The following DOCK9 variants were observed in gnomAD, a reference collection of about 807,000 sequenced individuals.
DOCK9 encodes dedicator of cytokinesis protein 9.
A neutral mutation model predicts 263.3 loss-of-function variants in DOCK9; 89 were observed. The observed-to-expected ratio is 0.34, with a 90% CI of 0.28 to 0.40. DOCK9 has a LOEUF of 0.40. Among genes scored for constraint, DOCK9 ranks in the 10% least tolerant of loss-of-function variants. The pLI is 1.00. For missense variants in DOCK9, 2,140 were observed against 2,603.4 expected (o/e 0.82, Z 3.87); for synonymous variants, 976 against 973.1 (o/e 1.00, Z -0.06).
intron 18 of DOCK9, among the ~76,000 whole-genome samples, chr13:98,887,143 A>ATTTTTTTTTTTTTTTTTTTTTTTT (rs58434344): frequency 1.0e-5 from 1 of 95,292 alleles, no homozygotes; most frequent in Non-Finnish European, 2.0e-5. Context: ...ATATATATAT[A>ATTTTTTTTTTTTTTTTTTTTTTTT]TTTTTTTTTT....
intron 1 of DOCK9, among the ~76,000 whole-genome samples, chr13:99,010,286 T>A (rs939677857): frequency 6.6e-6 from 1 of 152,228 alleles, no homozygotes; most frequent in Admixed American, 6.5e-5. Context: ...ACGTGGAATA[T>A]GATATTGGTA....
chr13:98,963,846 G>A (rs1314325329), intron 1 of DOCK9, among the ~76,000 whole-genome samples: 1 of 152,216 alleles, frequency 6.6e-6, no homozygotes, highest in Non-Finnish European at 1.5e-5. Context: ...CTGAAGCCAC[G>A]TGCTCACAAG....
intron 15 of DOCK9, among the ~76,000 whole-genome samples, chr13:98,894,881 G>C (rs1310451295): frequency 6.7e-6 from 1 of 149,174 alleles, no homozygotes; most frequent in Admixed American, 6.8e-5. Flanking sequence ...AGCTGAGGCG[G>C]GCAGATTGCC....
chr13:98,826,329 T>G (rs2092534521), intron 44 of DOCK9, among the ~76,000 whole-genome samples: 1 of 152,230 alleles, frequency 6.6e-6, no homozygotes, highest in Non-Finnish European at 1.5e-5. Context: ...CCTGCTCATC[T>G]GGGCACAAAC....
intron 45 of DOCK9, among the ~76,000 whole-genome samples, chr13:98,816,401 C>T (rs1160134133): frequency 1.3e-5 from 2 of 152,226 alleles, no homozygotes; most frequent in East Asian, 3.9e-4. Context: ...AGATGCAAGT[C>T]GCAGGGGCAG....
chr13:99,016,469 C>T (rs994133659), intron 1 of DOCK9, among the ~76,000 whole-genome samples: 2 of 152,172 alleles, frequency 1.3e-5, no homozygotes, highest in African/African-American at 2.4e-5. Flanking sequence ...AAGGGCTACC[C>T]AGTCTGGCTA....
intron 1 of DOCK9, among the ~76,000 whole-genome samples, chr13:98,995,817 A>T (rs1257640089): frequency 6.6e-6 from 1 of 152,086 alleles, no homozygotes; most frequent in African/African-American, 2.4e-5. Context: ...GGCTAGAAGG[A>T]GGAGTGAATT....
At chr13:98,921,783 T>G (rs1566970404) in intron 6 of DOCK9, among the ~76,000 whole-genome samples, 1 of 152,146 alleles carries the variant, frequency 6.6e-6, no homozygotes, top group Non-Finnish European at 1.5e-5. Flanking sequence ...TTTCAGTTAT[T>G]ACAGAGAAGA....
intron 1 of DOCK9, among the ~76,000 whole-genome samples, chr13:98,963,169 A>T (rs753945257): frequency 6.6e-6 from 1 of 151,552 alleles, no homozygotes; most frequent in Non-Finnish European, 1.5e-5. Context: ...ACTTCCCTAC[A>T]CCTCCCATGG....
intron 45 of DOCK9, among the ~76,000 whole-genome samples, chr13:98,819,627 A>G (rs2092138332): frequency 6.6e-6 from 1 of 152,226 alleles, no homozygotes; most frequent in South Asian, 2.1e-4. Context: ...CCACTGGCCA[A>G]GTTCCCTACT....
chr13:98,824,622 C>T, intron 44 of DOCK9, 118 bp from the exon 45 acceptor site: 2 of 912,234 alleles, frequency 2.2e-6, no homozygotes, highest in African/African-American at 1.6e-5. Context: ...TTTGAAATCT[C>T]TTAGGCACCA....
intron 52 of DOCK9, among the ~76,000 whole-genome samples, chr13:98,795,920 G>A (rs1015692147): frequency 2.6e-5 from 4 of 152,126 alleles, no homozygotes; most frequent in South Asian, 2.1e-4. Flanking sequence ...ACTACACCCA[G>A]CTAATTTTTG....
chr13:98,921,068 G>C lies in DOCK9; in HGVS notation c.603C>G (p.Phe201Leu), dbSNP rs994851709. The change falls in exon 7 of 53, where the codon TTC becomes TTG. Residue 201 changes from phenylalanine to leucine, a missense_variant. By Grantham distance (22) the Phe-to-Leu change is conservative. This residue lies in a region of DOCK9 where 1,521 missense variants were observed against 1,741.7 expected (regional missense o/e 0.87). Coordinates refer to ENST00000682017, the MANE Select transcript of DOCK9 (RefSeq NM_001366683.2). ...VTMRSFKRRFFHLIQLGDGSY... is the reference protein window; with the variant it reads ...VTMRSFKRRFLHLIQLGDGSY... ...ATCCATCGCCAAGTTGAATCAGGTG[G>C]AAAAATCGTCTCTTAAATGACTGAG... 1 of 1,601,044 alleles carries C rather than the reference G, an allele frequency of 6.2e-7. No individual in the cohort carries two copies. Among genetic ancestry groups the C allele is most frequent in the Non-Finnish European group, 8.5e-7 (1 of 1,173,482 alleles).
At chr13:99,027,999 C>T (rs546535526) in intron 1 of DOCK9, among the ~76,000 whole-genome samples, 1 of 152,348 alleles carries the variant, frequency 6.6e-6, no homozygotes, top group South Asian at 2.1e-4. Flanking sequence ...TGCTTTGACT[C>T]ACCTGTCTCC....
intron 1 of DOCK9, among the ~76,000 whole-genome samples, chr13:99,075,552 G>A (rs1207573154): frequency 1.3e-4 from 19 of 151,504 alleles, no homozygotes; most frequent in Admixed American, 1.2e-3. Context: ...TTTTTTTAGA[G>A]ATGGGTTCTC....
chr13:98,797,834 C>T (rs2089618763), intron 50 of DOCK9, among the ~76,000 whole-genome samples: 2 of 152,224 alleles, frequency 1.3e-5, no homozygotes, highest in South Asian at 4.1e-4. Context: ...AGGATTCTTA[C>T]TTCCAAGGTG....
chr13:98,860,125 T>G, intron 33 of DOCK9: 1 of 1,247,316 alleles, frequency 8.0e-7, no homozygotes, highest in Non-Finnish European at 1.0e-6. Flanking sequence ...CCAATTAAGA[T>G]TTAAAATGAA....
At chr13:99,015,116 A>G (rs1885184996) in intron 1 of DOCK9, among the ~76,000 whole-genome samples, 1 of 152,234 alleles carries the variant, frequency 6.6e-6, no homozygotes, top group East Asian at 1.9e-4. Flanking sequence ...GACGGTTCAC[A>G]TATATAATAC....
intron 1 of DOCK9, among the ~76,000 whole-genome samples, chr13:99,049,733 G>T (rs1444219461): frequency 6.6e-6 from 1 of 152,158 alleles, no homozygotes; most frequent in Non-Finnish European, 1.5e-5. Flanking sequence ...GCCCAGGCTG[G>T]TCTTGAACTC....
Sources: gnomAD v4.1 joint callset for allele counts (sites outside exome capture counted in the v4.1 genomes callset) on GRCh38, gnomAD v4.1.1 for gene constraint, gnomAD v4.1.1 regional missense constraint, MANE v1.5 for transcripts, NCBI Gene and HGNC (gene_info 2026-07-23, HGNC 2026-07-21) for gene names.